The following ANO10 variants were observed in gnomAD, a reference collection of about 807,000 sequenced individuals.
The protein encoded by ANO10 is anoctamin 10, also known as anoctamin-10.
In ANO10, 77 loss-of-function variants were observed where a neutral mutation model predicts 74.7. That is an observed-to-expected ratio of 1.03 (90% CI 0.86 to 1.25). The LOEUF (loss-of-function observed/expected upper bound fraction) is 1.25, where lower values mean the gene tolerates loss of function less well. Among genes scored for constraint, ANO10 ranks in the 50% most tolerant of loss-of-function variants. The pLI, the probability that ANO10 is intolerant of heterozygous loss-of-function variation, is 0.00. For missense variants in ANO10, 721 were observed against 778.1 expected (o/e 0.93, Z 0.87); for synonymous variants, 279 against 284.9 (o/e 0.98, Z 0.21).
Position 43,432,597 on chromosome 3 carries a change from A to G in ANO10, c.1914+14T>C. The stretch of plus-strand genomic sequence containing the variant: ...CTAAAGCAATACATACATTTTCAGG[A>G]CAGCTGCTCTCACCTGCTGCTTGAG... On this transcript the variant is annotated intron_variant, in intron 12 of 12. Transcript: ENST00000292246. 1 of 1,563,304 alleles carries G rather than the reference A, an allele frequency of 6.4e-7. No homozygotes were observed. The highest frequency in any genetic ancestry group is 8.8e-7 in the Non-Finnish European group (1 of 1,133,676).
intron 12 of ANO10, among the ~76,000 whole-genome samples, chr3:43,393,301 G>A (rs1027910494): frequency 3.3e-5 from 5 of 152,178 alleles, no homozygotes; most frequent in Non-Finnish European, 7.4e-5. Context: ...TGGCTCTGGA[G>A]CCTCGGAAAA....
At chr3:43,476,182 CT>C (rs752759760) in intron 11 of ANO10, among the ~76,000 whole-genome samples, 5 of 152,074 alleles carry the variant, frequency 3.3e-5, no homozygotes, top group Admixed American at 6.6e-5. Flanking sequence ...AGCTTATCTA[CT>C]TTCCCCCTAA....
intron 11 of ANO10, among the ~76,000 whole-genome samples, chr3:43,473,985 A>C (rs2075966455): frequency 6.6e-6 from 1 of 152,202 alleles, no homozygotes; most frequent in Non-Finnish European, 1.5e-5. Context: ...ACAGTCATTC[A>C]TTCCTCCCAG....
chr3:43,425,405 A>G (rs1173438395), intron 12 of ANO10, among the ~76,000 whole-genome samples: 1 of 151,946 alleles, frequency 6.6e-6, no homozygotes, highest in Non-Finnish European at 1.5e-5. Context: ...GTTGAAAAAA[A>G]CCTATTAAAT....
intron 5 of ANO10, 92 bp from the exon 6 acceptor site, chr3:43,577,353 G>GA: frequency 7.8e-7 from 1 of 1,280,556 alleles, no homozygotes; most frequent in Non-Finnish European, 1.1e-6. Context: ...TTAGTTAAGT[G>GA]GGGATCATTC....
intron 1 of ANO10, chr3:43,653,000 A>G (rs931962053): frequency 2.0e-5 from 3 of 151,836 alleles, no homozygotes; most frequent in African/African-American, 7.3e-5. Context: ...AGGTCAGAAG[A>G]TTGAGACCAT....
Position 43,555,401 on chromosome 3 carries a change from G to A in ANO10, c.1545C>T (p.Tyr515=), listed in dbSNP as rs994786014. The A allele has an allele frequency of 1.9e-6, 3 of 1,613,984 alleles. No individual in the cohort carries two copies. The highest frequency in any genetic ancestry group is 3.3e-5 in the Admixed American group (2 of 59,986). Residue 515 remains tyrosine, a synonymous_variant, in exon 10 of 13, where the codon TAC becomes TAT. Transcript: ENST00000292246. ...ACACAGCAAAGGCAGCTGCTAATGG[G>A]TAAACACAGGAGAAAAGGCTCACAT... ...FGYVSLFSCV[Y]PLAAAFAVLN... is the part of the protein sequence containing the mutation.
At chr3:43,565,597 T>C (rs1037572677) in intron 8 of ANO10, 56 bp downstream of exon 8, 1 of 1,343,490 alleles carries the variant, frequency 7.4e-7, no homozygotes, top group Non-Finnish European at 1.0e-6. Flanking sequence ...CATCTAAAGA[T>C]AGAAAACCAC....
chr3:43,451,563 G>A (rs1435650460), intron 11 of ANO10, among the ~76,000 whole-genome samples: 1 of 151,974 alleles, frequency 6.6e-6, no homozygotes, highest in Non-Finnish European at 1.5e-5. Flanking sequence ...TTTAAAATGA[G>A]GATTTTAAAT....
chr3:43,691,318 C>G (rs765186383), intron 1 of ANO10: 122 of 306,296 alleles, frequency 4.0e-4, no homozygotes, highest in Non-Finnish European at 5.8e-4. Flanking sequence ...GGGTCCGCCC[C>G]GTTGTTGTAT....
chr3:43,575,974 G>C (rs1336893332), intron 6 of ANO10, among the ~76,000 whole-genome samples: 2 of 152,174 alleles, frequency 1.3e-5, no homozygotes, highest in African/African-American at 2.4e-5. Flanking sequence ...TTAAGGCTTT[G>C]ACTTCTTCCT....
chr3:43,685,503 T>C (rs899124695), intron 1 of ANO10, among the ~76,000 whole-genome samples: 17 of 152,304 alleles, frequency 1.1e-4, no homozygotes, highest in African/African-American at 4.1e-4. Flanking sequence ...GCAAACATCT[T>C]TTTATGTGTC....
intron 11 of ANO10, among the ~76,000 whole-genome samples, chr3:43,464,879 A>G (rs1309555854): frequency 6.6e-6 from 1 of 152,232 alleles, no homozygotes; most frequent in Non-Finnish European, 1.5e-5. Context: ...ATACTGAGAA[A>G]GAGAGTCACT....
chr3:43,591,683 G>A (rs1480261769), intron 4 of ANO10, among the ~76,000 whole-genome samples: 1 of 152,216 alleles, frequency 6.6e-6, no homozygotes, highest in Non-Finnish European at 1.5e-5. Flanking sequence ...CGGCACAGAA[G>A]AGAGGTGACT....
At chr3:43,374,820 G>A (rs758779798) in intron 12 of ANO10, among the ~76,000 whole-genome samples, 15 of 152,178 alleles carry the variant, frequency 9.9e-5, no homozygotes, top group Admixed American at 9.2e-4. Flanking sequence ...ATTAAAGAGT[G>A]CTTAAAACTT....
In ANO10 at chr3:43,577,089, C is replaced by T. The variant is rs752208261; in HGVS notation, c.765G>A (p.Thr255=). The T allele has an allele frequency of 3.1e-6, 5 of 1,614,128 alleles. No homozygotes were observed. The highest frequency in any genetic ancestry group is 1.1e-5 in the South Asian group (1 of 91,084). The change falls in exon 6 of 13, where the codon ACG becomes ACA. Residue 255 remains threonine, a synonymous_variant. Transcript: ENST00000292246. Reference sequence around the variant, plus strand: ...CACGCTTCCACAGTTCCAGAATCACCGTGGACCAGATGAGGTTGAACGAGG... The same window carrying T: ...CACGCTTCCACAGTTCCAGAATCACTGTGGACCAGATGAGGTTGAACGAGG... The part of the protein sequence containing the change: ...IFASFNLIWS[T]VILELWKRGC...
chr3:43,584,267 C>T (rs970911669), intron 4 of ANO10, among the ~76,000 whole-genome samples: 4 of 152,212 alleles, frequency 2.6e-5, no homozygotes, highest in African/African-American at 9.6e-5. Context: ...CATGGCTGTG[C>T]TTTGGTTGAG....
At chr3:43,400,248 G>A (rs2092455110) in intron 12 of ANO10, among the ~76,000 whole-genome samples, 1 of 151,624 alleles carries the variant, frequency 6.6e-6, no homozygotes, top group South Asian at 2.1e-4. Flanking sequence ...AAGTTAGGAA[G>A]TCCTACTAGA....
intron 11 of ANO10, among the ~76,000 whole-genome samples, chr3:43,546,186 T>C (rs544007670): frequency 7.9e-5 from 12 of 152,336 alleles, no homozygotes; most frequent in African/African-American, 2.9e-4. Flanking sequence ...GACCCATCTG[T>C]GCCAATATAA....
Sources: gnomAD v4.1 joint callset for allele counts (sites outside exome capture counted in the v4.1 genomes callset) on GRCh38, gnomAD v4.1.1 for gene constraint, MANE v1.5 for transcripts, NCBI Gene and HGNC (gene_info 2026-07-23, HGNC 2026-07-21) for gene names.